XPO4: variants seen among roughly 807,000 people sequenced by gnomAD.
XPO4 encodes the protein exportin-4.
In XPO4, 39 loss-of-function variants were observed where a neutral mutation model predicts 143.0. The observed-to-expected ratio is 0.27, with a 90% CI of 0.21 to 0.36. The LOEUF is 0.36. Among genes scored for constraint, XPO4 ranks in the 10% least tolerant of loss-of-function variants. The probability of loss-of-function intolerance (pLI) is 1.00; values close to 1 mark genes in which losing one functional copy is unlikely to be tolerated. For missense variants in XPO4, 907 were observed against 1,348.0 expected (o/e 0.67, Z 5.12); for synonymous variants, 439 against 474.0 (o/e 0.93, Z 0.96).
chr13:20,787,020 G>C lies in XPO4; in HGVS notation c.3203C>G (p.Thr1068Arg). The C allele has an allele frequency of 6.4e-7, 1 of 1,567,770 alleles. No homozygotes were observed. The highest frequency in any genetic ancestry group is 1.8e-5 in the Admixed American group (1 of 54,364). Residue 1068 changes from threonine to arginine, a missense_variant, in exon 22 of 23, where the codon ACA becomes AGA. Coordinates refer to ENST00000255305, the MANE Select transcript of XPO4 (RefSeq NM_022459.5). ...FDMLVLQKHN[T>R]EMTTAAGEAF... ...TTCGCCAGCCGCAGTGGTCATCTCT[G>C]TGTTGTGCTTTTGCAAAACCAGCAT...
At chr13:20,856,368 T>G (rs1356898498) in intron 3 of XPO4, 2 of 985,244 alleles carry the variant, frequency 2.0e-6, no homozygotes, top group Non-Finnish European at 2.4e-6. Flanking sequence ...TGTTCCTCCA[T>G]GTGATGACAG....
At chr13:20,895,910 G>A (rs532247002) in intron 1 of XPO4, among the ~76,000 whole-genome samples, 17 of 152,186 alleles carry the variant, frequency 1.1e-4, no homozygotes, top group Non-Finnish European at 1.8e-4. Context: ...GGACATTTAC[G>A]TTGTTTCAAT....
rs182984527 is a variant in XPO4, at chr13:20,821,598, T to C, written c.1173+106A>G. The C allele has an allele frequency of 8.2e-5, 99 of 1,208,694 alleles. No homozygotes were observed. The Admixed American group carries it at 2.2e-3, about 27-fold the overall frequency. The allele number at this position is 1,208,694 out of a possible 1,614,324, so 74.9% of individuals were successfully genotyped here. A position where few individuals can be genotyped will look rare whatever the true frequency, so the allele number is the denominator to read the frequency against. ...CTAAACAAAACAGTCACTTTAACAA[T>C]AGCCAGCACTCACTTAAAATAATTA... On this transcript the variant is annotated intron_variant, in intron 9 of 22. Coordinates refer to ENST00000255305, the MANE Select transcript of XPO4 (RefSeq NM_022459.5).
intron 9 of XPO4, 100 bp downstream of exon 9, chr13:20,821,604 G>T: frequency 7.8e-7 from 1 of 1,276,690 alleles, no homozygotes; most frequent in Non-Finnish European, 1.1e-6. Flanking sequence ...ACAATAGCCA[G>T]CACTCACTTA....
chr13:20,902,475 C>G (rs1006152856), intron 1 of XPO4, 195 bp downstream of exon 1: 2 of 985,322 alleles, frequency 2.0e-6, no homozygotes, highest in Non-Finnish European at 2.4e-6. Flanking sequence ...GGGGACAGCT[C>G]CTGGAAGGAG....
At chr13:20,788,441 T>C in intron 20 of XPO4, 45 bp downstream of exon 20, 1 of 1,571,310 alleles carries the variant, frequency 6.4e-7, no homozygotes, top group Non-Finnish European at 8.6e-7. Context: ...AGGAAGATCT[T>C]TTTCCCCAAG....
chr13:20,874,949 G>A (rs531811397), intron 1 of XPO4, among the ~76,000 whole-genome samples: 1 of 152,102 alleles, frequency 6.6e-6, no homozygotes, highest in South Asian at 2.1e-4. Flanking sequence ...AGCCAAGATC[G>A]CAGCACAGCA....
chr13:20,865,522 A>G (rs1295584984), intron 2 of XPO4: 1 of 984,664 alleles, frequency 1.0e-6, no homozygotes, highest in Non-Finnish European at 1.2e-6. Flanking sequence ...AGGTCACTTT[A>G]GCAAAATGCT....
intron 9 of XPO4, among the ~76,000 whole-genome samples, chr13:20,816,176 A>G (rs73437416): frequency 0.038 from 5,813 of 152,302 alleles, 383 homozygotes; most frequent in African/African-American, 0.13. Context: ...ATCACAAATA[A>G]TATTTGTGCT....
chr13:20,874,930 G>A (rs2060337441), intron 1 of XPO4, among the ~76,000 whole-genome samples: 1 of 152,090 alleles, frequency 6.6e-6, no homozygotes, highest in South Asian at 2.1e-4. Flanking sequence ...GGAGGTGGAG[G>A]TAGCAGTGAG....
intron 15 of XPO4, 105 bp from the exon 16 acceptor site, chr13:20,799,444 ATTACTG>A (rs1356695318): frequency 9.5e-7 from 1 of 1,051,926 alleles, no homozygotes; most frequent in Non-Finnish European, 1.3e-6. Flanking sequence ...ACTAGATTTA[ATTACTG>A]TTAAAGCAAA....
At chr13:20,882,209 C>T (rs567285989) in intron 1 of XPO4, among the ~76,000 whole-genome samples, 1 of 151,566 alleles carries the variant, frequency 6.6e-6, no homozygotes, top group East Asian at 1.9e-4. Flanking sequence ...AAACATGAAG[C>T]ATGATAGTCC....
intron 1 of XPO4, among the ~76,000 whole-genome samples, chr13:20,890,864 T>C (rs1248435162): frequency 6.6e-6 from 1 of 150,522 alleles, no homozygotes; most frequent in African/African-American, 2.4e-5. Flanking sequence ...TCTCAGCACT[T>C]TGGGAAGCCA....
At chr13:20,801,226 G>A (rs2059428340) in intron 13 of XPO4, among the ~76,000 whole-genome samples, 2 of 152,176 alleles carry the variant, frequency 1.3e-5, no homozygotes, top group African/African-American at 4.8e-5. Context: ...TCCTTCTGCT[G>A]AAGTTGTAAC....
intron 6 of XPO4, among the ~76,000 whole-genome samples, chr13:20,827,763 T>C (rs961519633): frequency 6.6e-6 from 1 of 152,250 alleles, no homozygotes; most frequent in Admixed American, 6.5e-5. Context: ...AAAAACTTTA[T>C]AGATGCTTAT....
intron 10 of XPO4, among the ~76,000 whole-genome samples, chr13:20,809,519 T>C (rs1406315752): frequency 5.3e-5 from 8 of 152,204 alleles, no homozygotes; most frequent in African/African-American, 1.9e-4. Flanking sequence ...AGAATTGAAC[T>C]TCTGTCACTG....
At chr13:20,884,062 G>A (rs1056201556) in intron 1 of XPO4, among the ~76,000 whole-genome samples, 7 of 152,122 alleles carry the variant, frequency 4.6e-5, no homozygotes, top group Non-Finnish European at 8.8e-5. Context: ...CACCACACCC[G>A]GCCAAACATA....
In XPO4 at chr13:20,799,172, C is replaced by G; in HGVS notation, c.2315G>C (p.Trp772Ser). 1 of 1,605,036 alleles carries G rather than the reference C, an allele frequency of 6.2e-7. No homozygotes were observed. The change falls in exon 16 of 23, where the codon TGG (tryptophan) becomes TCG (serine). Residue 772 changes from tryptophan (W) to serine (S), a missense_variant. Physicochemically the swap from Trp to Ser is radical, Grantham distance 177 (BLOSUM62 -3). Transcript: ENST00000255305. ...HMDTETKQQYWTEVLQPLQQR... is the reference protein window; with the variant it reads ...HMDTETKQQYSTEVLQPLQQR... ...AATAGACAGCACTGTTACCTCTGTCCAATACTGCTGTTTGGTTTCTGTGTC... is the reference window on the plus strand; with the variant it reads ...AATAGACAGCACTGTTACCTCTGTCGAATACTGCTGTTTGGTTTCTGTGTC...
chr13:20,850,050 G>A, intron 4 of XPO4: 1 of 904,976 alleles, frequency 1.1e-6, no homozygotes, highest in Non-Finnish European at 1.3e-6. Flanking sequence ...AGGTTGTAGT[G>A]AGCTGAGTTC....
Sources: allele counts gnomAD v4.1 joint callset (sites outside exome capture counted in the v4.1 genomes callset), GRCh38; gene constraint gnomAD v4.1.1; transcripts MANE v1.5; gene names NCBI Gene and HGNC (gene_info 2026-07-23, HGNC 2026-07-21).